EPHB1: variants seen among roughly 807,000 people sequenced by gnomAD.
EPHB1 encodes the protein EPH receptor B1, also known as ephrin type-B receptor 1.
A neutral mutation model predicts 94.4 loss-of-function variants in EPHB1; 30 were observed. That is an observed-to-expected ratio of 0.32 (90% CI 0.24 to 0.43). The LOEUF is 0.43. EPHB1 is among the 20% of genes least tolerant of loss of function. EPHB1 has a pLI of 1.00. For synonymous variants in EPHB1, 522 were observed against 489.1 expected, an observed-to-expected ratio of 1.07 and a Z score of -0.89; for missense variants, 1,055 against 1,308.3, an observed-to-expected ratio of 0.81 and a Z score of 2.99.
intron 6 of EPHB1, among the ~76,000 whole-genome samples, chr3:135,155,911 G>A (rs1257318754): frequency 6.6e-6 from 1 of 151,426 alleles, no homozygotes; most frequent in Non-Finnish European, 1.5e-5. Flanking sequence ...CATTTAAGCT[G>A]TTCCACTGAA....
intron 10 of EPHB1, among the ~76,000 whole-genome samples, chr3:135,180,600 A>G (rs1233090623): frequency 6.6e-6 from 1 of 152,182 alleles, no homozygotes; most frequent in Non-Finnish European, 1.5e-5. Flanking sequence ...ATCTTCCTGC[A>G]CTGGAATAGA....
rs537338989 is a variant in EPHB1, at chr3:135,101,655, T to G, written c.806-4793T>G. On this transcript the variant is annotated intron_variant, in intron 3 of 15. Transcript: ENST00000398015. ...CCTCGGCCTCCCAAAGTGTTGGGAT[T>G]ACAAGTGTAAGCCACCACGCCTGGC... Among the ~76,000 whole-genome samples the G allele has an allele frequency of 6.1e-4, 93 of 152,286 alleles. No individual in the cohort carries two copies. The South Asian group carries it at 0.013, about 22-fold the overall frequency.
In EPHB1 at chr3:134,804,568, G is replaced by T. The variant is rs73861952; in HGVS notation, c.58+8879G>T. On this transcript the variant is annotated intron_variant, in intron 1 of 15. Coordinates refer to ENST00000398015, the MANE Select transcript of EPHB1 (RefSeq NM_004441.5). The stretch of plus-strand genomic sequence containing the variant: ...CTTGGTGGGTGTGTGTGGGGGGGAG[G>T]AATCAGGGCACAGCGCAGGTCTTCT... Among the ~76,000 whole-genome samples the T allele has an allele frequency of 2.8e-3, 429 of 152,242 alleles. 1 individual carries two copies. Among genetic ancestry groups the T allele is most frequent in the African/African-American group, 9.9e-3 (412 of 41,538 alleles).
intron 9 of EPHB1, among the ~76,000 whole-genome samples, chr3:135,174,165 G>A (rs771561462): frequency 6.6e-5 from 10 of 152,102 alleles, no homozygotes; most frequent in Admixed American, 2.6e-4. Flanking sequence ...TGAGCCCCCC[G>A]ATGCCCCACT....
intron 11 of EPHB1, among the ~76,000 whole-genome samples, chr3:135,199,024 T>C (rs1168414518): frequency 6.6e-6 from 1 of 152,108 alleles, no homozygotes; most frequent in Non-Finnish European, 1.5e-5. Flanking sequence ...ACAAATCAGA[T>C]AATAAAGAAG....
At chr3:134,954,970 G>T (rs949269228) in intron 3 of EPHB1, among the ~76,000 whole-genome samples, 1 of 151,106 alleles carries the variant, frequency 6.6e-6, no homozygotes, top group African/African-American at 2.4e-5. Flanking sequence ...GAGGGGAGTA[G>T]AGGAAGCTAT....
chr3:134,980,528 A>G (rs937153032), intron 3 of EPHB1, among the ~76,000 whole-genome samples: 6 of 152,138 alleles, frequency 3.9e-5, no homozygotes, highest in African/African-American at 1.2e-4. Context: ...TTCTCTTCTG[A>G]CTAGATTGCC....
intron 3 of EPHB1, among the ~76,000 whole-genome samples, chr3:135,001,360 C>T (rs977250344): frequency 1.3e-5 from 2 of 152,156 alleles, no homozygotes; most frequent in Non-Finnish European, 2.9e-5. Flanking sequence ...GGCGATGTGT[C>T]CAGGGCTTGC....
intron 3 of EPHB1, among the ~76,000 whole-genome samples, chr3:134,952,618 G>A (rs1933080115): frequency 6.6e-6 from 1 of 152,180 alleles, no homozygotes; most frequent in Non-Finnish European, 1.5e-5. Flanking sequence ...TTTCTCTAGG[G>A]GCTCATTGCC....
chr3:135,205,158 G>T (rs1280097192), intron 12 of EPHB1, among the ~76,000 whole-genome samples: 3 of 152,038 alleles, frequency 2.0e-5, no homozygotes, highest in African/African-American at 7.2e-5. Context: ...GTACTCCATT[G>T]TGTATAAGTA....
chr3:135,144,268 G>T (rs1444052988), intron 5 of EPHB1, among the ~76,000 whole-genome samples: 2 of 152,198 alleles, frequency 1.3e-5, no homozygotes, highest in Non-Finnish European at 1.5e-5. Flanking sequence ...AATTGTAAGA[G>T]TTGACCAAAA....
At chr3:134,975,487 C>A (rs36125) in intron 3 of EPHB1, among the ~76,000 whole-genome samples, 6 of 152,030 alleles carry the variant, frequency 3.9e-5, no homozygotes, top group South Asian at 2.1e-4. Context: ...CAGCTCCTGA[C>A]ACTCTGCTAC....
chr3:135,114,843 A>G (rs1939626291), intron 4 of EPHB1, among the ~76,000 whole-genome samples: 1 of 152,184 alleles, frequency 6.6e-6, no homozygotes, highest in Admixed American at 6.5e-5. Context: ...AGAGTTGTCT[A>G]CCCTACTTTG....
chr3:134,816,264 T>G (rs1331817478), intron 1 of EPHB1, among the ~76,000 whole-genome samples: 5 of 151,928 alleles, frequency 3.3e-5, no homozygotes, highest in African/African-American at 1.2e-4. Flanking sequence ...TTTGTTTTTT[T>G]TGTATTTTTA....
intron 2 of EPHB1, among the ~76,000 whole-genome samples, chr3:134,937,931 T>TC (rs1329125114): frequency 2.6e-5 from 4 of 151,514 alleles, no homozygotes; most frequent in South Asian, 4.2e-4. Context: ...TTTTTTTTTT[T>TC]TCCTCCTTTC....
At chr3:134,909,010 A>C (rs2038396681) in intron 1 of EPHB1, among the ~76,000 whole-genome samples, 1 of 150,878 alleles carries the variant, frequency 6.6e-6, no homozygotes, top group South Asian at 2.1e-4. Flanking sequence ...GCCCACCAAG[A>C]AGGTGATAAC....
intron 3 of EPHB1, among the ~76,000 whole-genome samples, chr3:135,038,184 T>A (rs1169393315): frequency 6.6e-6 from 1 of 152,158 alleles, no homozygotes; most frequent in East Asian, 1.9e-4. Context: ...CATGTGTGAG[T>A]TTACTTTTCA....
intron 1 of EPHB1, among the ~76,000 whole-genome samples, chr3:134,833,246 C>T (rs982194473): frequency 3.9e-5 from 6 of 152,164 alleles, no homozygotes; most frequent in African/African-American, 1.4e-4. Context: ...CTTTGGTCTG[C>T]CGGGGGTGCA....
chr3:135,077,182 G>C (rs55984268), intron 3 of EPHB1, among the ~76,000 whole-genome samples: 12,283 of 152,268 alleles, frequency 0.081, 628 homozygotes, highest in African/African-American at 0.14. Context: ...GACAGGGAGA[G>C]AAGGGGAGAG....
Sources: allele counts gnomAD v4.1 joint callset (sites outside exome capture counted in the v4.1 genomes callset), GRCh38; gene constraint gnomAD v4.1.1; transcripts MANE v1.5; gene names NCBI Gene and HGNC (gene_info 2026-07-23, HGNC 2026-07-21).